ZNF75D: variants seen among roughly 807,000 people sequenced by gnomAD.
ZNF75D encodes zinc finger protein 75.
A neutral mutation model predicts 33.3 loss-of-function variants in ZNF75D; 33 were observed. The ratio of observed to expected loss-of-function variants is 0.99; its 90% CI spans 0.75 to 1.32. The LOEUF (loss-of-function observed/expected upper bound fraction) is 1.32, where lower values mean the gene tolerates loss of function less well. ZNF75D is among the 40% of genes most tolerant of loss of function. The pLI is 0.00. For missense variants in ZNF75D, 338 were observed against 367.5 expected, an observed-to-expected ratio of 0.92 and a Z score of 0.66; for synonymous variants, 113 against 130.6, an observed-to-expected ratio of 0.87 and a Z score of 0.92.
chrX:135,287,202 A>G lies in ZNF75D; in HGVS notation c.1468T>C (p.Ser490Pro). 1 of 1,211,294 alleles carries G rather than the reference A, an allele frequency of 8.3e-7. No homozygotes were observed. Among genetic ancestry groups the G allele is most frequent in the Non-Finnish European group, 1.1e-6 (1 of 895,357 alleles). The change falls in exon 7 of 7, where the codon TCG (serine) becomes CCG (proline). Residue 490 changes from serine to proline, a missense_variant. This residue lies in a region of ZNF75D where 79 missense variants were observed against 80.1 expected (regional missense o/e 0.99). Transcript: ENST00000370766. ...SLCKRNFSRRSSLLRHQKLHR... is the reference protein window; with the variant it reads ...SLCKRNFSRRPSLLRHQKLHR... ...AGTTTCTGGTGTCTAAGAAGGCTCG[A>G]TCGCCTACTAAAGTTTCTCTTGCAT...
At position 135,307,440 on chromosome X, in the gene ZNF75D, C is replaced by T. The variant is rs782156113; in HGVS notation, c.-390-11401G>A. On this transcript the variant is annotated intron_variant, in intron 1 of 6. Coordinates refer to ENST00000370766, the MANE Select transcript of ZNF75D (RefSeq NM_007131.5). ...CATGAGAACCCCACTATAAAAATCACAAAGCCCTGTCCTCACCGTTATCCC... is the reference window on the plus strand; with the variant it reads ...CATGAGAACCCCACTATAAAAATCATAAAGCCCTGTCCTCACCGTTATCCC... Among the ~76,000 whole-genome samples the T allele has an allele frequency of 4.2e-4, 47 of 111,682 alleles. No individual in the cohort carries two copies. The South Asian group carries it at 0.017, about 41-fold the overall frequency.
intron 1 of ZNF75D, among the ~76,000 whole-genome samples, chrX:135,258,476 C>T (rs782442415): frequency 2.8e-4 from 31 of 111,151 alleles, no homozygotes; most frequent in East Asian, 1.7e-3. Flanking sequence ...GACTTTTTAA[C>T]GATTGCCATT....
At position 135,287,237 on chromosome X, in the gene ZNF75D, G is replaced by A. The variant is rs201770071; in HGVS notation, c.1433C>T (p.Thr478Met). ...QRTHTGEQPY[T>M]CSLCKRNFSR... The stretch of plus-strand genomic sequence containing the variant: ...AAAGTTTCTCTTGCATAAGCTACAC[G>A]TATAAGGCTGCTCACCTGTGTGAGT... Residue 478 changes from threonine (T) to methionine (M), a missense_variant, in exon 7 of 7, where the codon ACG becomes ATG. Physicochemically the swap from Thr to Met is moderately conservative, Grantham distance 81. Around this residue, in one of 3 missense-constraint regions of ZNF75D, gnomAD observed 79 missense variants for 80.1 expected, o/e 0.99. Coordinates refer to ENST00000370766, the MANE Select transcript of ZNF75D (RefSeq NM_007131.5). The A allele has an allele frequency of 1.5e-4, 180 of 1,210,105 alleles. No individual in the cohort carries two copies. Among genetic ancestry groups the A allele is most frequent in the South Asian group, 9.3e-4 (53 of 56,818 alleles).
At chrX:135,326,338 A>C (rs2084575227) in intron 1 of ZNF75D, among the ~76,000 whole-genome samples, 1 of 111,472 alleles carries the variant, frequency 9.0e-6, no homozygotes, top group Non-Finnish European at 1.9e-5. Flanking sequence ...GAGTGCACCA[A>C]TCGACACTCT....
intron 1 of ZNF75D, among the ~76,000 whole-genome samples, chrX:135,258,366 G>A (rs782749105): frequency 8.2e-5 from 9 of 110,386 alleles, no homozygotes; most frequent in South Asian, 3.9e-4. Context: ...TTGAGGAATC[G>A]CCACACTGTC....
rs370618867 is a variant in ZNF75D, at chrX:135,293,957, C to T, written c.184G>A (p.Gly62Arg). ...FWSFRYHEAT[G>R]PLETISQLQK... Reference sequence around the variant, plus strand: ...AGTTGGCTGATAGTCTCAAGCGGTCCGGTTGCTTCATGATAACGGAAGCTC... The same window carrying T: ...AGTTGGCTGATAGTCTCAAGCGGTCTGGTTGCTTCATGATAACGGAAGCTC... The change falls in exon 3 of 7, where the codon GGA becomes AGA. Residue 62 changes from glycine (G) to arginine (R), a missense_variant. Physicochemically the swap from Gly to Arg is moderately radical, Grantham distance 125. Transcript: ENST00000370766. 7 of 1,209,980 alleles carry T rather than the reference C, an allele frequency of 5.8e-6. No homozygotes were observed. Among genetic ancestry groups the T allele is most frequent in the Middle Eastern group, 2.3e-4 (1 of 4,366 alleles).
chrX:135,274,714 G>A (rs1027137950), intron 1 of ZNF75D, among the ~76,000 whole-genome samples: 3 of 112,305 alleles, frequency 2.7e-5, no homozygotes, highest in Non-Finnish European at 3.8e-5. Context: ...TGTGTACAGT[G>A]AATGGGATAA....
intron 1 of ZNF75D, among the ~76,000 whole-genome samples, chrX:135,312,212 G>A (rs1239894078): frequency 9.0e-6 from 1 of 110,757 alleles, no homozygotes; most frequent in East Asian, 2.9e-4. Context: ...TGAGATCAAC[G>A]TTTTTAGCTA....
intron 1 of ZNF75D, chrX:135,298,584 G>A (rs1321517283): frequency 3.6e-5 from 4 of 111,547 alleles, no homozygotes; most frequent in African/African-American, 1.3e-4. Context: ...CTAGTAATTA[G>A]AATTTTTTAA....
At chrX:135,308,130 C>A (rs1470898122) in intron 1 of ZNF75D, among the ~76,000 whole-genome samples, 1 of 112,302 alleles carries the variant, frequency 8.9e-6, no homozygotes, top group African/African-American at 3.2e-5. Flanking sequence ...TGCTCTGAAC[C>A]AGAAGGAAGC....
At position 135,327,066 on chromosome X, in the gene ZNF75D, G is replaced by T. The variant is rs913697107; in HGVS notation, c.-391+14702C>A. 2.7e-4 allele frequency among the ~76,000 whole-genome samples: 30 copies of T among 112,673 alleles called. No homozygotes were observed. In the Admixed American group the frequency reaches 2.7e-3, roughly 10 times the overall value. On this transcript the variant is annotated intron_variant, in intron 1 of 6. Coordinates refer to ENST00000370766, the MANE Select transcript of ZNF75D (RefSeq NM_007131.5). ...ACAAAAGGGGAACCTGAAGATCACA[G>T]AGGTTTAGGGACTTGCCCAAAATCC...
At chrX:135,263,753 C>T (rs2083852339) in intron 1 of ZNF75D, among the ~76,000 whole-genome samples, 1 of 112,667 alleles carries the variant, frequency 8.9e-6, no homozygotes, top group Admixed American at 9.3e-5. Flanking sequence ...AAGGAAATCC[C>T]CTGACCCCTT....
intron 1 of ZNF75D, among the ~76,000 whole-genome samples, chrX:135,256,820 T>C (rs1384002812): frequency 8.9e-6 from 1 of 112,112 alleles, no homozygotes; most frequent in Non-Finnish European, 1.9e-5. Flanking sequence ...GGGGACATTA[T>C]GTTGCATCTT....
At chrX:135,291,606 T>C in intron 4 of ZNF75D, 43 bp from the exon 5 acceptor site, 1 of 1,193,234 alleles carries the variant, frequency 8.4e-7, no homozygotes, top group Non-Finnish European at 1.1e-6. Flanking sequence ...GTTTCCTATT[T>C]ACAAACATCC....
At chrX:135,335,235 C>A (rs2084696027) in intron 1 of ZNF75D, among the ~76,000 whole-genome samples, 1 of 111,245 alleles carries the variant, frequency 9.0e-6, no homozygotes, top group Non-Finnish European at 1.9e-5. Context: ...GCAGGGCCAA[C>A]TTCTCCTAGG....
chrX:135,285,676 G>A (rs1556419191), downstream of ZNF75D: 1 of 111,912 alleles, frequency 8.9e-6, no homozygotes, highest in South Asian at 3.8e-4. Context: ...GCCCTAAGAA[G>A]TAGGAATTAT....
rs1021870983 is a variant in ZNF75D, at chrX:135,343,054, G to T, written c.-1677C>A. ...CTGGGGGGAAATCTGGAGGATGAAG[G>T]TTCCAGAGAAGACAACAACAACAAC... On this transcript the variant is annotated 5_prime_UTR_variant, in exon 1 of 7. Coordinates refer to ENST00000370766, the MANE Select transcript of ZNF75D (RefSeq NM_007131.5). 2 of 111,615 alleles carry T rather than the reference G, an allele frequency of 1.8e-5. No homozygotes were observed. The highest frequency in any genetic ancestry group is 9.5e-5 in the Admixed American group (1 of 10,582). The allele number at this position is 111,615 out of a possible 1,213,427, so 9.2% of individuals were successfully genotyped here.
chrX:135,269,957 C>T (rs1018600490), intron 1 of ZNF75D, among the ~76,000 whole-genome samples: 1 of 110,624 alleles, frequency 9.0e-6, no homozygotes, highest in African/African-American at 3.3e-5. Flanking sequence ...TGGATAAAAG[C>T]GGAGGTCATT....
chrX:135,339,139 C>T (rs1006998560), intron 1 of ZNF75D, among the ~76,000 whole-genome samples: 3 of 111,112 alleles, frequency 2.7e-5, no homozygotes, highest in African/African-American at 9.9e-5. Flanking sequence ...CCCTTTTGCT[C>T]CCTCATCTCC....
Sources: allele counts gnomAD v4.1 joint callset (sites outside exome capture counted in the v4.1 genomes callset), GRCh38; gene constraint gnomAD v4.1.1; regional missense constraint gnomAD v4.1.1; transcripts MANE v1.5; gene names NCBI Gene and HGNC (gene_info 2026-07-23, HGNC 2026-07-21).